Variants in CCDC192 observed in about 807,000 individuals in gnomAD.
The protein encoded by CCDC192 is coiled-coil domain-containing protein 192.
intron 6 of CCDC192, among the ~76,000 whole-genome samples, chr5:127,890,713 A>G (rs2127155375): frequency 6.6e-6 from 1 of 152,356 alleles, no homozygotes; most frequent in Admixed American, 6.5e-5. Context: ...AATAAAATTA[A>G]CATATTTTAG....
intron 2 of CCDC192, among the ~76,000 whole-genome samples, chr5:127,745,632 G>T (rs1029864157): frequency 1.3e-5 from 2 of 152,096 alleles, no homozygotes; most frequent in African/African-American, 4.8e-5. Flanking sequence ...TTAACAAAGA[G>T]AATTTTTATT....
chr5:127,748,530 G>A (rs1753923043), intron 2 of CCDC192, among the ~76,000 whole-genome samples: 2 of 138,956 alleles, frequency 1.4e-5, no homozygotes, highest in African/African-American at 5.2e-5. Flanking sequence ...ATAGTTTGAA[G>A]TCAGGTAGTG....
chr5:127,854,154 C>T (rs1750945039), intron 5 of CCDC192, among the ~76,000 whole-genome samples: 1 of 152,230 alleles, frequency 6.6e-6, no homozygotes, highest in South Asian at 2.1e-4. Context: ...TCCATTCATT[C>T]TCTGTCTTAG....
At chr5:127,743,360 A>G (rs1753533453) in intron 2 of CCDC192, among the ~76,000 whole-genome samples, 1 of 152,092 alleles carries the variant, frequency 6.6e-6, no homozygotes, top group Admixed American at 6.6e-5. Flanking sequence ...CACCTTCTAA[A>G]TCATCCCTTC....
At chr5:127,826,999 A>T (rs1290231444) in intron 5 of CCDC192, among the ~76,000 whole-genome samples, 1 of 152,028 alleles carries the variant, frequency 6.6e-6, no homozygotes, top group Non-Finnish European at 1.5e-5. Flanking sequence ...AAATAGTAAA[A>T]CTTGTGTGTA....
chr5:127,907,296 T>A (rs1229537818), intron 6 of CCDC192, among the ~76,000 whole-genome samples: 1 of 152,150 alleles, frequency 6.6e-6, no homozygotes, highest in Non-Finnish European at 1.5e-5. Flanking sequence ...ATAGGGGTAT[T>A]TTTTTCAAAT....
At chr5:127,931,497 C>T (rs73333525) in intron 6 of CCDC192, among the ~76,000 whole-genome samples, 139 of 152,328 alleles carry the variant, frequency 9.1e-4, no homozygotes, top group African/African-American at 2.9e-3. Flanking sequence ...GCTCTCCCTC[C>T]TCCAGCTGTG....
intron 6 of CCDC192, among the ~76,000 whole-genome samples, chr5:127,881,221 C>T (rs1580790107): frequency 1.3e-5 from 2 of 152,240 alleles, no homozygotes. Context: ...GTAAGTGATA[C>T]ATGGTCACCT....
At chr5:127,820,706 CAT>C (rs1749248685) in intron 5 of CCDC192, among the ~76,000 whole-genome samples, 1 of 152,014 alleles carries the variant, frequency 6.6e-6, no homozygotes, top group African/African-American at 2.4e-5. Flanking sequence ...CACATATATA[CAT>C]GTTATTTTTT....
intron 5 of CCDC192, among the ~76,000 whole-genome samples, chr5:127,851,917 C>T (rs1750814629): frequency 6.6e-6 from 1 of 152,160 alleles, no homozygotes; most frequent in Non-Finnish European, 1.5e-5. Context: ...TGCCAGAATA[C>T]TGTGTGTTCC....
Position 127,910,875 on chromosome 5 carries a change from C to G in CCDC192, c.536-30307C>G, listed in dbSNP as rs866350069. Reference sequence around the variant, plus strand: ...AGAAGCATATTTCCTTTCTGGGAGCCTAATTTAGCTGGAAAATGAAGATAG... The same window carrying G: ...AGAAGCATATTTCCTTTCTGGGAGCGTAATTTAGCTGGAAAATGAAGATAG... On this transcript the variant is annotated intron_variant, in intron 6 of 6. Coordinates refer to ENST00000514853, the MANE Select transcript of CCDC192 (RefSeq NM_001317938.2). Among the ~76,000 whole-genome samples the G allele has an allele frequency of 4.6e-5, 7 of 152,160 alleles. 1 individual carries two copies. In the Middle Eastern group the frequency reaches 0.024, roughly 518 times the overall value.
At chr5:127,921,552 T>C (rs1028806239) in intron 6 of CCDC192, among the ~76,000 whole-genome samples, 3 of 152,230 alleles carry the variant, frequency 2.0e-5, no homozygotes, top group African/African-American at 7.2e-5. Context: ...ATTAAAATAG[T>C]CTAGAATAAA....
chr5:127,893,919 A>T (rs1283598451), intron 6 of CCDC192, among the ~76,000 whole-genome samples: 1 of 152,220 alleles, frequency 6.6e-6, no homozygotes, highest in African/African-American at 2.4e-5. Flanking sequence ...TAAAGAAAAA[A>T]AAATTTCATT....
chr5:127,925,070 G>A (rs965804542), intron 6 of CCDC192, among the ~76,000 whole-genome samples: 3 of 134,822 alleles, frequency 2.2e-5, no homozygotes, highest in African/African-American at 3.3e-5. Context: ...GCATTTTGCT[G>A]AGTATTCCAT....
At chr5:127,744,702 A>C (rs901484119) in intron 2 of CCDC192, among the ~76,000 whole-genome samples, 1 of 152,240 alleles carries the variant, frequency 6.6e-6, no homozygotes, top group Non-Finnish European at 1.5e-5. Context: ...CTGTTACAAA[A>C]GTGTCCCCAT....
intron 3 of CCDC192, among the ~76,000 whole-genome samples, chr5:127,789,644 C>T (rs1227868704): frequency 6.6e-6 from 1 of 152,208 alleles, no homozygotes; most frequent in African/African-American, 2.4e-5. Context: ...AATCAGTACT[C>T]CAGCAAGAAC....
intron 6 of CCDC192, among the ~76,000 whole-genome samples, chr5:127,934,415 C>T (rs1013551689): frequency 5.3e-5 from 8 of 152,098 alleles, no homozygotes; most frequent in African/African-American, 1.9e-4. Context: ...CTTTGCCAAC[C>T]AATTGTATTC....
chr5:127,708,659 G>A (rs1340328660), intron 2 of CCDC192, among the ~76,000 whole-genome samples: 2 of 152,050 alleles, frequency 1.3e-5, no homozygotes, highest in South Asian at 2.1e-4. Context: ...TAAACTCTCC[G>A]AGCTTTACTT....
intron 2 of CCDC192, among the ~76,000 whole-genome samples, chr5:127,752,944 G>A (rs912520046): frequency 6.6e-6 from 1 of 152,204 alleles, no homozygotes; most frequent in Non-Finnish European, 1.5e-5. Flanking sequence ...CGCTTCCCAA[G>A]TGAGGCAATG....
Sources: allele counts gnomAD v4.1 joint callset (sites outside exome capture counted in the v4.1 genomes callset), GRCh38; gene constraint gnomAD v4.1.1; transcripts MANE v1.5; gene names NCBI Gene and HGNC (gene_info 2026-07-23, HGNC 2026-07-21).